Variants in CSNK2A2IP observed in about 807,000 individuals in gnomAD.
The protein encoded by CSNK2A2IP is casein kinase 2 subunit alpha' interacting protein.
At chr3:88,343,744 G>A in the CSNK2A2IP span, among the ~76,000 whole-genome samples, 1 of 151,820 alleles carries the variant, frequency 6.6e-6, no homozygotes, top group African/African-American at 2.4e-5. Context: ...AAATCTGTAT[G>A]TCTTTCATTC....
At chr3:88,339,639 T>C in the CSNK2A2IP span, among the ~76,000 whole-genome samples, 1 of 152,096 alleles carries the variant, frequency 6.6e-6, no homozygotes, top group Non-Finnish European at 1.5e-5. Flanking sequence ...TGTTCAGTGA[T>C]AACTGGTGTA....
chr3:88,388,429 T>C, the CSNK2A2IP span, among the ~76,000 whole-genome samples: 1 of 152,206 alleles, frequency 6.6e-6, no homozygotes, highest in African/African-American at 2.4e-5. Flanking sequence ...TTTTGCAAAA[T>C]GTAGTGTCAA....
the CSNK2A2IP span, among the ~76,000 whole-genome samples, chr3:88,354,416 G>A: frequency 2.0e-5 from 3 of 152,128 alleles, no homozygotes; most frequent in Non-Finnish European, 4.4e-5. Context: ...GGCATAGAAT[G>A]GGTAGTACTC....
the CSNK2A2IP span, among the ~76,000 whole-genome samples, chr3:88,384,237 A>G: frequency 6.6e-6 from 1 of 152,142 alleles, no homozygotes; most frequent in Admixed American, 6.5e-5. Flanking sequence ...GAAAAATGCT[A>G]AGAAAGAAAG....
chr3:88,437,658 A>T, the CSNK2A2IP span, among the ~76,000 whole-genome samples: 1 of 152,218 alleles, frequency 6.6e-6, no homozygotes, highest in East Asian at 1.9e-4. Context: ...TAATTAAAAA[A>T]ATCTTGGCAT....
chr3:88,387,620 G>A, the CSNK2A2IP span, among the ~76,000 whole-genome samples: 1 of 152,046 alleles, frequency 6.6e-6, no homozygotes, highest in Non-Finnish European at 1.5e-5. Context: ...ATTGGTATGT[G>A]AATTTTATTT....
the CSNK2A2IP span, among the ~76,000 whole-genome samples, chr3:88,431,914 G>T: frequency 3.1e-4 from 47 of 152,254 alleles, no homozygotes; most frequent in African/African-American, 1.1e-3. Context: ...CTAAATTTAT[G>T]TGAAATGGTT....
chr3:88,374,024 A>T, the CSNK2A2IP span, among the ~76,000 whole-genome samples: 2 of 151,646 alleles, frequency 1.3e-5, no homozygotes, highest in Non-Finnish European at 3.0e-5. Flanking sequence ...TCTTTGGTAA[A>T]TCCTATCAAA....
the CSNK2A2IP span, among the ~76,000 whole-genome samples, chr3:88,379,268 G>A: frequency 6.6e-6 from 1 of 152,002 alleles, no homozygotes; most frequent in Non-Finnish European, 1.5e-5. Flanking sequence ...GGAACTGCCT[G>A]TTCCTCCCTC....
At chr3:88,400,191 G>T in the CSNK2A2IP span, among the ~76,000 whole-genome samples, 1 of 152,090 alleles carries the variant, frequency 6.6e-6, no homozygotes, top group South Asian at 2.1e-4. Context: ...TAGTTTCTGA[G>T]CCAGGCAGAG....
At chr3:88,446,503 A>G in the CSNK2A2IP span, among the ~76,000 whole-genome samples, 1 of 152,184 alleles carries the variant, frequency 6.6e-6, no homozygotes, top group African/African-American at 2.4e-5. Flanking sequence ...AATTTTTCCA[A>G]TAGTCAACAC....
the CSNK2A2IP span, among the ~76,000 whole-genome samples, chr3:88,451,638 C>T: frequency 6.6e-6 from 1 of 151,060 alleles, no homozygotes; most frequent in African/African-American, 2.4e-5. Flanking sequence ...TGTATTGTAC[C>T]TTTCATTGGT....
chr3:88,388,187 A>T, the CSNK2A2IP span, among the ~76,000 whole-genome samples: 1 of 152,164 alleles, frequency 6.6e-6, no homozygotes, highest in Non-Finnish European at 1.5e-5. Context: ...TTTGCTGATT[A>T]CTATGTTTCA....
the CSNK2A2IP span, chr3:88,467,014 G>C: frequency 8.4e-7 from 1 of 1,195,266 alleles, no homozygotes; most frequent in Admixed American, 4.2e-5. Flanking sequence ...CCTTGAAGGA[G>C]TAGAGAAGAT....
the CSNK2A2IP span, among the ~76,000 whole-genome samples, chr3:88,416,327 G>A: frequency 6.7e-6 from 1 of 150,304 alleles, no homozygotes; most frequent in Non-Finnish European, 1.5e-5. Flanking sequence ...GTCAGCCAGA[G>A]GAATAGAAAT....
chr3:88,365,982 A>T, the CSNK2A2IP span, among the ~76,000 whole-genome samples: 2 of 152,112 alleles, frequency 1.3e-5, no homozygotes, highest in African/African-American at 4.8e-5. Flanking sequence ...GATTGAATGA[A>T]AAGGTGGTGC....
the CSNK2A2IP span, among the ~76,000 whole-genome samples, chr3:88,439,756 A>AAAT: frequency 2.0e-5 from 3 of 151,514 alleles, no homozygotes; most frequent in East Asian, 5.8e-4. Flanking sequence ...AAAAAAAAAA[A>AAAT]ATCATCGAAG....
the CSNK2A2IP span, chr3:88,467,376 C>G: frequency 2.5e-6 from 1 of 398,650 alleles, no homozygotes; most frequent in African/African-American, 2.1e-5. Flanking sequence ...AGGTACTTAG[C>G]TACCATCGGT....
At chr3:88,347,886 C>T in the CSNK2A2IP span, among the ~76,000 whole-genome samples, 1 of 151,814 alleles carries the variant, frequency 6.6e-6, no homozygotes, top group Admixed American at 6.6e-5. Context: ...ACAGGAGATA[C>T]ATGTTGAGTA....
Sources: allele counts gnomAD v4.1 joint callset (sites outside exome capture counted in the v4.1 genomes callset), GRCh38; gene constraint gnomAD v4.1.1; transcripts MANE v1.5; gene names NCBI Gene and HGNC (gene_info 2026-07-23, HGNC 2026-07-21).